The following CELF4 variants were observed in gnomAD, a reference collection of about 807,000 sequenced individuals.
The protein encoded by CELF4 is CUG-BP- and ETR-3-like factor 4.
In CELF4, 18 loss-of-function variants were observed where a neutral mutation model predicts 59.9. The observed-to-expected ratio is 0.30, with a 90% CI of 0.21 to 0.45. The LOEUF (loss-of-function observed/expected upper bound fraction) is 0.45. CELF4 is among the 20% of genes least tolerant of loss of function. The pLI, the probability that CELF4 is intolerant of heterozygous loss-of-function variation, is 1.00. For missense variants in CELF4, 456 were observed against 689.0 expected (o/e 0.66, Z 3.79); for synonymous variants, 261 against 267.1 (o/e 0.98, Z 0.22).
At chr18:37,291,156 G>A (rs1318616404) in intron 3 of CELF4, among the ~76,000 whole-genome samples, 3 of 152,130 alleles carry the variant, frequency 2.0e-5, no homozygotes, top group Admixed American at 2.0e-4. Flanking sequence ...TGATCCGCCT[G>A]CCTCGGCCTC....
chr18:37,311,712 C>G (rs2096655571), intron 3 of CELF4, among the ~76,000 whole-genome samples: 1 of 148,258 alleles, frequency 6.7e-6, no homozygotes. Context: ...TTGCTTGAAC[C>G]CGGGAGGCGG....
chr18:37,273,091 C>T lies in CELF4; in HGVS notation c.874G>A (p.Ala292Thr), dbSNP rs368449818. Residue 292 changes from alanine (A) to threonine (T), a missense_variant, in exon 7 of 13, where the codon GCT becomes ACT. Coordinates refer to ENST00000420428, the MANE Select transcript of CELF4 (RefSeq NM_020180.4). The part of the protein sequence containing the change: ...GGYLNPMAAF[A>T]AAQMQQMAAL... ...GCCATCTGCTGCATCTGGGCGGCAG[C>T]GAAGGCAGCCATGGGGTTCAGGTAG... 2.0e-5 allele frequency: 33 copies of T among 1,613,092 alleles called. No homozygotes were observed. The highest frequency in any genetic ancestry group is 2.8e-5 in the Non-Finnish European group (33 of 1,179,960).
At chr18:37,508,855 A>T (rs2099941161) in intron 1 of CELF4, among the ~76,000 whole-genome samples, 1 of 152,236 alleles carries the variant, frequency 6.6e-6, no homozygotes, top group African/African-American at 2.4e-5. Flanking sequence ...GTGCTGACAC[A>T]AACCCTGAGA....
Position 37,550,503 on chromosome 18 carries a change from C to T in CELF4, c.286+14853G>A, listed in dbSNP as rs116247821. Among the ~76,000 whole-genome samples, 534 of 152,328 alleles carry T rather than the reference C, an allele frequency of 3.5e-3. 2 individuals carry two copies. The highest frequency in any genetic ancestry group is 0.012 in the African/African-American group (499 of 41,580). ...AGACCAAGCTAAGCTGAAACTTTCC[C>T]AGAGTTGGTGCTCTTAAGGAGGGAC... is the stretch of plus-strand genomic sequence containing the variant. On this transcript the variant is annotated intron_variant, in intron 1 of 12. Transcript: ENST00000420428.
chr18:37,369,115 C>T (rs1407028490), intron 2 of CELF4, among the ~76,000 whole-genome samples: 2 of 152,198 alleles, frequency 1.3e-5, no homozygotes, highest in East Asian at 1.9e-4. Flanking sequence ...AACCTCCTGC[C>T]CCCAGGCCCT....
Position 37,565,758 on chromosome 18 carries a change from G to T in CELF4, c.-117C>A. On this transcript the variant is annotated 5_prime_UTR_variant, in exon 1 of 13. Coordinates refer to ENST00000420428, the MANE Select transcript of CELF4 (RefSeq NM_020180.4). ...ACACACTCGGGTTCTCTCCCCCTCG[G>T]TTTCTCTACACCTCGCTCTCCGCTC... 1.4e-6 allele frequency: 1 copy of T among 730,728 alleles called. No homozygotes were observed. Among genetic ancestry groups the T allele is most frequent in the Non-Finnish European group, 2.0e-6 (1 of 490,826 alleles). 45.3% of individuals were successfully genotyped at this position (730,728 alleles called of 1,614,324 possible).
At chr18:37,366,565 C>T (rs1460945817) in intron 2 of CELF4, among the ~76,000 whole-genome samples, 1 of 152,228 alleles carries the variant, frequency 6.6e-6, no homozygotes, top group Non-Finnish European at 1.5e-5. Flanking sequence ...GTCTGGTCCT[C>T]TCCCTGCTCA....
At chr18:37,408,942 C>A (rs924809631) in intron 2 of CELF4, among the ~76,000 whole-genome samples, 6 of 152,210 alleles carry the variant, frequency 3.9e-5, no homozygotes, top group African/African-American at 1.4e-4. Flanking sequence ...CCTTTCCAGA[C>A]AGCAGGCAGA....
At chr18:37,434,105 T>C (rs191423294) in intron 2 of CELF4, among the ~76,000 whole-genome samples, 2 of 152,258 alleles carry the variant, frequency 1.3e-5, no homozygotes, top group East Asian at 1.9e-4. Context: ...GATCGCTTTG[T>C]TGGGGAGACG....
At chr18:37,280,701 C>T (rs1258980395) in intron 3 of CELF4, among the ~76,000 whole-genome samples, 3 of 152,192 alleles carry the variant, frequency 2.0e-5, no homozygotes, top group Non-Finnish European at 2.9e-5. Context: ...GGGACGCCTT[C>T]GGCTGCCCTT....
chr18:37,495,713 C>T (rs1253883203), intron 1 of CELF4, among the ~76,000 whole-genome samples: 2 of 152,012 alleles, frequency 1.3e-5, no homozygotes, highest in Non-Finnish European at 2.9e-5. Context: ...AGTGCCTTCC[C>T]CATGCAGAAG....
intron 2 of CELF4, among the ~76,000 whole-genome samples, chr18:37,455,810 C>A (rs570188759): frequency 6.6e-6 from 1 of 152,182 alleles, no homozygotes; most frequent in African/African-American, 2.4e-5. Flanking sequence ...GGCCCCCGGG[C>A]TCTCCCAGGG....
At chr18:37,292,709 A>G (rs1038772834) in intron 3 of CELF4, among the ~76,000 whole-genome samples, 1 of 152,242 alleles carries the variant, frequency 6.6e-6, no homozygotes, top group Non-Finnish European at 1.5e-5. Context: ...ACAAAGTCAT[A>G]AAGTAACTAA....
chr18:37,351,632 ACAGGGTCTCACTCTATCGCC>A (rs1569567339), intron 2 of CELF4, among the ~76,000 whole-genome samples: 1 of 136,868 alleles, frequency 7.3e-6, no homozygotes, highest in African/African-American at 2.8e-5. Flanking sequence ...TTTTTTTGAG[ACAGGGTCTCACTCTATCGCC>A]CAGGCTGGAG....
intron 3 of CELF4, among the ~76,000 whole-genome samples, chr18:37,298,775 A>G (rs2095829042): frequency 6.6e-6 from 1 of 151,330 alleles, no homozygotes; most frequent in African/African-American, 2.4e-5. Flanking sequence ...AAGATCTGAT[A>G]GGATCCTCCC....
At chr18:37,293,255 A>G (rs1293001981) in intron 3 of CELF4, among the ~76,000 whole-genome samples, 2 of 152,246 alleles carry the variant, frequency 1.3e-5, no homozygotes, top group Non-Finnish European at 2.9e-5. Flanking sequence ...TGAAAGTCAG[A>G]AATCAAGGTT....
intron 2 of CELF4, among the ~76,000 whole-genome samples, chr18:37,412,283 G>C (rs1046914419): frequency 4.6e-5 from 7 of 152,326 alleles, no homozygotes; most frequent in African/African-American, 1.4e-4. Flanking sequence ...GGTGCTGTCT[G>C]AGGATACAGA....
At chr18:37,444,932 C>T (rs1440401940) in intron 2 of CELF4, among the ~76,000 whole-genome samples, 1 of 152,088 alleles carries the variant, frequency 6.6e-6, no homozygotes. Flanking sequence ...ATCCTGTGTG[C>T]GTGACGCGGG....
rs12458669 is a variant in CELF4, at chr18:37,266,536, C to T, written c.1162G>A (p.Gly388Ser). The part of the protein sequence containing the change: ...QAYAGVQQYA[G>S]PAAYPAAYGQ... Reference sequence around the variant, plus strand: ...GTGGGGACGCGTGGATACTAACGACCTGCATACTGCTGCACTCCGGCGTAG... The same window carrying T: ...GTGGGGACGCGTGGATACTAACGACTTGCATACTGCTGCACTCCGGCGTAG... Residue 388 changes from glycine to serine, a missense_variant, in exon 9 of 13, where the codon GGT (glycine) becomes AGT (serine). By Grantham distance (56) the Gly-to-Ser change is moderately conservative. Around this residue, in one of 7 missense-constraint regions of CELF4, gnomAD observed 256 missense variants for 340.8 expected, o/e 0.75. Transcript: ENST00000420428. The T allele has an allele frequency of 6.3e-7, 1 of 1,593,286 alleles. No homozygotes were observed. Among genetic ancestry groups the T allele is most frequent in the Non-Finnish European group, 8.5e-7 (1 of 1,171,400 alleles).
Sources: allele counts gnomAD v4.1 joint callset (sites outside exome capture counted in the v4.1 genomes callset), GRCh38; gene constraint gnomAD v4.1.1; regional missense constraint gnomAD v4.1.1; transcripts MANE v1.5; gene names NCBI Gene and HGNC (gene_info 2026-07-23, HGNC 2026-07-21).